The following LMTK2 variants were observed in gnomAD, a reference collection of about 807,000 sequenced individuals.
LMTK2 encodes lemur tail kinase 2.
Under a neutral mutation model 127.5 loss-of-function variants are expected in LMTK2, and 37 were observed. That is an observed-to-expected ratio of 0.29 (90% CI 0.22 to 0.38). The LOEUF (loss-of-function observed/expected upper bound fraction) is 0.38, where lower values mean the gene tolerates loss of function less well. LMTK2 is among the 10% of genes least tolerant of loss of function. LMTK2 has a pLI of 1.00. For synonymous variants in LMTK2, 819 were observed against 810.1 expected (o/e 1.01, Z -0.19); for missense variants, 1,694 against 1,920.3 (o/e 0.88, Z 2.20).
At position 98,205,604 on chromosome 7, in the gene LMTK2, A is replaced by T; in HGVS notation, c.*112A>T. On this transcript the variant is annotated 3_prime_UTR_variant, in exon 14 of 14. Coordinates refer to ENST00000297293, the MANE Select transcript of LMTK2 (RefSeq NM_014916.4). ...CGCCATTTGCTGACATGAGATTGGG[A>T]GGAAGAATCCAGAGGTGAAGAGGGA... The T allele has an allele frequency of 8.4e-7, 1 of 1,184,508 alleles. No individual in the cohort carries two copies. Among genetic ancestry groups the T allele is most frequent in the Non-Finnish European group, 1.2e-6 (1 of 821,122 alleles). The allele number at this position is 1,184,508 out of a possible 1,614,324, so 73.4% of individuals were successfully genotyped here. A position where few individuals can be genotyped will look rare whatever the true frequency, so the allele number is the denominator to read the frequency against.
At chr7:98,135,929 G>GC (rs1796588692) in intron 1 of LMTK2, among the ~76,000 whole-genome samples, 1 of 151,806 alleles carries the variant, frequency 6.6e-6, no homozygotes, top group Non-Finnish European at 1.5e-5. Context: ...GTCAGGGGAG[G>GC]CCCCCCACGC....
Position 98,145,941 on chromosome 7 carries a change from GT to G in LMTK2, c.376+4404del, listed in dbSNP as rs547176646. On this transcript the variant is annotated intron_variant, in intron 3 of 13. Transcript: ENST00000297293. ...TATGTTGTCTTCTGTAAGTTTTATA[GT>G]TTTAGCTCTTGCTCCTTGATCTATT... 2.0e-5 allele frequency among the ~76,000 whole-genome samples: 3 copies of G among 152,266 alleles called. No individual in the cohort carries two copies. The East Asian group carries it at 5.8e-4, about 29-fold the overall frequency.
chr7:98,140,122 CTT>C (rs1159866475), intron 2 of LMTK2, among the ~76,000 whole-genome samples: 1 of 37,620 alleles, frequency 2.7e-5, no homozygotes, highest in African/African-American at 1.5e-4. Flanking sequence ...TTCTTTCTTT[CTT>C]TCTTTCTTTC....
chr7:98,125,033 A>G (rs1796423989), intron 1 of LMTK2, among the ~76,000 whole-genome samples: 2 of 150,458 alleles, frequency 1.3e-5, no homozygotes, highest in African/African-American at 2.4e-5. Context: ...GGCTAGGCGC[A>G]TGGCTCACGC....
intron 1 of LMTK2, among the ~76,000 whole-genome samples, chr7:98,118,961 G>A (rs577448952): frequency 1.3e-5 from 2 of 152,040 alleles, no homozygotes; most frequent in Non-Finnish European, 2.9e-5. Context: ...GTGTGGTGGC[G>A]GGTGCCTGTA....
At chr7:98,173,971 G>A (rs1298739965) in intron 7 of LMTK2, among the ~76,000 whole-genome samples, 1 of 152,028 alleles carries the variant, frequency 6.6e-6, no homozygotes, top group Non-Finnish European at 1.5e-5. Flanking sequence ...CAGGAGAATG[G>A]CGTGAACCCG....
In LMTK2 at chr7:98,107,152, G is replaced by T. The variant is rs1258549622; in HGVS notation, c.-26G>T. On this transcript the variant is annotated 5_prime_UTR_variant, in exon 1 of 14. Transcript: ENST00000297293. ...ACGGACGGAAGGCGACTCGAGGGCC[G>T]GCCCCGGAGCCGCGCCGTGGGCGAG... 2.8e-6 allele frequency: 4 copies of T among 1,411,300 alleles called. No individual in the cohort carries two copies. Among genetic ancestry groups the T allele is most frequent in the Non-Finnish European group, 3.7e-6 (4 of 1,088,812 alleles). 87.4% of individuals were successfully genotyped at this position (1,411,300 alleles called of 1,614,324 possible). A position where few individuals can be genotyped will look rare whatever the true frequency, so the allele number is the denominator to read the frequency against.
intron 1 of LMTK2, among the ~76,000 whole-genome samples, chr7:98,125,659 T>C (rs982434146): frequency 6.6e-6 from 1 of 152,210 alleles, no homozygotes; most frequent in Admixed American, 6.5e-5. Flanking sequence ...TAATTAGATA[T>C]TGAATTGTCT....
chr7:98,140,171 TCTTTC>T (rs1796669962), intron 2 of LMTK2, among the ~76,000 whole-genome samples: 1 of 44,844 alleles, frequency 2.2e-5, no homozygotes, highest in African/African-American at 1.9e-4. Flanking sequence ...TCTTTTCTTT[TCTTTC>T]TTTTCTTTCT....
intron 1 of LMTK2, among the ~76,000 whole-genome samples, chr7:98,127,831 C>T (rs568590349): frequency 1.3e-5 from 2 of 152,274 alleles, no homozygotes; most frequent in East Asian, 3.9e-4. Flanking sequence ...ATATATACAC[C>T]TATTTGTACA....
At chr7:98,121,446 G>C (rs957852583) in intron 1 of LMTK2, among the ~76,000 whole-genome samples, 1 of 149,754 alleles carries the variant, frequency 6.7e-6, no homozygotes, top group African/African-American at 2.5e-5. Context: ...GGCCAACATG[G>C]TGAAACCTTG....
chr7:98,171,643 G>T lies in LMTK2; in HGVS notation c.760G>T (p.Ala254Ser). 2 of 1,602,294 alleles carry T rather than the reference G, an allele frequency of 1.2e-6. No individual in the cohort carries two copies. Among genetic ancestry groups the T allele is most frequent in the Non-Finnish European group, 1.7e-6 (2 of 1,174,674 alleles). ...RMACEVAAGLAAMHKLHFLHS... is the reference protein window; with the variant it reads ...RMACEVAAGLSAMHKLHFLHS... ...GGCGTGCGAGGTCGCCGCGGGGCTG[G>T]CCGCCATGCACAAGCTGCACTTCCT... Residue 254 changes from alanine to serine, a missense_variant, in exon 7 of 14, where the codon GCC becomes TCC. Ala to Ser is a moderately conservative substitution (Grantham distance 99). Coordinates refer to ENST00000297293, the MANE Select transcript of LMTK2 (RefSeq NM_014916.4). This position sits in a 1 kb window ranked among gnomAD's most constrained non-coding sequence, Gnocchi z 5.1.
chr7:98,122,126 A>G (rs886958459), intron 1 of LMTK2, among the ~76,000 whole-genome samples: 6 of 152,270 alleles, frequency 3.9e-5, no homozygotes, highest in African/African-American at 1.4e-4. Context: ...TAAACTTGTA[A>G]GCATTCATTT....
chr7:98,175,313 T>C (rs535506893), intron 7 of LMTK2, among the ~76,000 whole-genome samples: 1 of 152,230 alleles, frequency 6.6e-6, no homozygotes, highest in African/African-American at 2.4e-5. Flanking sequence ...ATGATGTATA[T>C]GGTAGGAGGA....
At chr7:98,179,588 T>TC (rs1176349382) in intron 7 of LMTK2, among the ~76,000 whole-genome samples, 7,851 of 143,152 alleles carry the variant, frequency 0.055, 779 homozygotes, top group East Asian at 0.35. Context: ...CCTCTCTCCC[T>TC]CCTTCCCTCT....
chr7:98,195,383 G>T (rs923464847), intron 11 of LMTK2, among the ~76,000 whole-genome samples: 2 of 152,040 alleles, frequency 1.3e-5, no homozygotes, highest in African/African-American at 4.8e-5. Flanking sequence ...CTCTTTCCCT[G>T]CTTTGGAGCA....
rs144889643 is a variant in LMTK2 at position 98,109,670 on chromosome 7, G to C, written c.103+2390G>C. 7.3e-5 allele frequency among the ~76,000 whole-genome samples: 11 copies of C among 151,668 alleles called. No homozygotes were observed. In the East Asian group the frequency reaches 2.1e-3, roughly 29 times the overall value. On this transcript the variant is annotated intron_variant, in intron 1 of 13. Transcript: ENST00000297293. ...GAGGCAGGAAAATTGCTTGCACCCAGGGAGCGGAGCTTACAGTGAGCCGAG... is the reference window on the plus strand; with the variant it reads ...GAGGCAGGAAAATTGCTTGCACCCACGGAGCGGAGCTTACAGTGAGCCGAG...
chr7:98,131,937 G>T (rs1189294802), intron 1 of LMTK2, among the ~76,000 whole-genome samples: 1 of 152,186 alleles, frequency 6.6e-6, no homozygotes, highest in African/African-American at 2.4e-5. Flanking sequence ...TACATTAGCA[G>T]TTCACTTTAA....
At chr7:98,133,154 C>G (rs1796547959) in intron 1 of LMTK2, among the ~76,000 whole-genome samples, 1 of 152,184 alleles carries the variant, frequency 6.6e-6, no homozygotes, top group African/African-American at 2.4e-5. Flanking sequence ...CATACGTATT[C>G]CGCCAGACCT....
Sources: allele counts gnomAD v4.1 joint callset (sites outside exome capture counted in the v4.1 genomes callset), GRCh38; gene constraint gnomAD v4.1.1; non-coding constraint Gnocchi (gnomAD v3.1); transcripts MANE v1.5; gene names NCBI Gene and HGNC (gene_info 2026-07-23, HGNC 2026-07-21).